DPP10: variants seen among roughly 807,000 people sequenced by gnomAD.
DPP10 encodes inactive dipeptidyl peptidase 10.
DPP10 carries 33 observed loss-of-function variants against 120.9 expected under a neutral mutation model. The ratio of observed to expected loss-of-function variants is 0.27; its 90% CI spans 0.21 to 0.37. DPP10 has a LOEUF of 0.37. Ranked by LOEUF, DPP10 falls within the 10% of genes least tolerant of loss-of-function variation. The pLI is 1.00. For synonymous variants in DPP10, 337 were observed against 326.1 expected, an observed-to-expected ratio of 1.03 and a Z score of -0.36; for missense variants, 816 against 942.8, an observed-to-expected ratio of 0.87 and a Z score of 1.76.
intron 5 of DPP10, among the ~76,000 whole-genome samples, chr2:115,651,419 A>C (rs2087759862): frequency 6.6e-6 from 1 of 152,072 alleles, no homozygotes; most frequent in South Asian, 2.1e-4. Flanking sequence ...CCGGCGCTGA[A>C]TTATCTTCTA....
At chr2:115,083,330 T>A (rs1708427304) in intron 1 of DPP10, among the ~76,000 whole-genome samples, 1 of 152,220 alleles carries the variant, frequency 6.6e-6, no homozygotes, top group South Asian at 2.1e-4. Context: ...GAATATATAA[T>A]CTGACAGTTA....
intron 1 of DPP10, among the ~76,000 whole-genome samples, chr2:114,752,360 T>C (rs1332005751): frequency 1.3e-5 from 2 of 152,186 alleles, no homozygotes; most frequent in Non-Finnish European, 2.9e-5. Flanking sequence ...CCCAACCTTT[T>C]AGACACTGAA....
At position 114,790,967 on chromosome 2, in the gene DPP10, G is replaced by A. The variant is rs1464430125; in HGVS notation, c.60+348129G>A. On this transcript the variant is annotated intron_variant, in intron 1 of 25. Transcript: ENST00000410059. ...TGGTGATTGAGATTTACAGGCAAAAGACAAAAGTGTGACTATAGAATATAA... is the reference window on the plus strand; with the variant it reads ...TGGTGATTGAGATTTACAGGCAAAAAACAAAAGTGTGACTATAGAATATAA... Among the ~76,000 whole-genome samples, 15 of 151,960 alleles carry A rather than the reference G, an allele frequency of 9.9e-5. 1 individual carries two copies. Among genetic ancestry groups the A allele is most frequent in the Admixed American group, 5.9e-4 (9 of 15,244 alleles).
At chr2:115,392,827 C>G (rs2067411922) in intron 3 of DPP10, among the ~76,000 whole-genome samples, 1 of 151,952 alleles carries the variant, frequency 6.6e-6, no homozygotes, top group African/African-American at 2.4e-5. Flanking sequence ...ATGGTGAAAA[C>G]ATTATTTTTT....
chr2:114,745,794 T>C (rs1183092053), intron 1 of DPP10, among the ~76,000 whole-genome samples: 1 of 152,186 alleles, frequency 6.6e-6, no homozygotes, highest in Non-Finnish European at 1.5e-5. Context: ...TCACAAGAAC[T>C]GGCAAAAGTT....
chr2:114,770,873 A>C (rs1681187821), intron 1 of DPP10, among the ~76,000 whole-genome samples: 1 of 150,106 alleles, frequency 6.7e-6, no homozygotes, highest in South Asian at 2.3e-4. Context: ...TTTTGAAATG[A>C]GTTTTATGTC....
intron 3 of DPP10, among the ~76,000 whole-genome samples, chr2:115,472,478 AT>A (rs199609270): frequency 2.2e-4 from 34 of 152,058 alleles, no homozygotes; most frequent in Non-Finnish European, 3.4e-4. Context: ...TAAAAATGAG[AT>A]TTTTTTTATT....
intron 10 of DPP10, among the ~76,000 whole-genome samples, chr2:115,751,410 G>A (rs1159753809): frequency 6.6e-6 from 1 of 152,142 alleles, no homozygotes; most frequent in African/African-American, 2.4e-5. Context: ...TAAGCCAGCT[G>A]CATATTTGAT....
chr2:115,223,866 C>G (rs2057302802), intron 1 of DPP10, among the ~76,000 whole-genome samples: 1 of 152,130 alleles, frequency 6.6e-6, no homozygotes, highest in South Asian at 2.1e-4. Context: ...TTTCCTTTCA[C>G]CAACACGTCT....
chr2:115,180,716 A>G (rs2054014344), intron 1 of DPP10, among the ~76,000 whole-genome samples: 1 of 152,224 alleles, frequency 6.6e-6, no homozygotes, highest in Non-Finnish European at 1.5e-5. Context: ...CTAGAAATGT[A>G]CATATGTATG....
At chr2:115,101,287 A>G (rs2048682207) in intron 1 of DPP10, among the ~76,000 whole-genome samples, 1 of 152,090 alleles carries the variant, frequency 6.6e-6, no homozygotes, top group African/African-American at 2.4e-5. Flanking sequence ...ACTCTCAGAA[A>G]TTCATGATGG....
At chr2:114,632,055 T>C (rs1694964850) in intron 1 of DPP10, among the ~76,000 whole-genome samples, 1 of 152,180 alleles carries the variant, frequency 6.6e-6, no homozygotes, top group Non-Finnish European at 1.5e-5. Context: ...CAATTAAATA[T>C]CTTCTTCTAT....
chr2:114,600,710 C>T (rs1181154235), intron 1 of DPP10, among the ~76,000 whole-genome samples: 1 of 151,738 alleles, frequency 6.6e-6, no homozygotes, highest in Non-Finnish European at 1.5e-5. Flanking sequence ...TATTTCTAGC[C>T]TAAGTTGGTG....
intron 1 of DPP10, among the ~76,000 whole-genome samples, chr2:114,978,101 A>G (rs1478711930): frequency 6.6e-6 from 1 of 152,158 alleles, no homozygotes; most frequent in Non-Finnish European, 1.5e-5. Flanking sequence ...AGTAATTAAA[A>G]GTAGCATGAT....
intron 3 of DPP10, among the ~76,000 whole-genome samples, chr2:115,482,927 C>T (rs2075527487): frequency 3.3e-5 from 5 of 151,866 alleles, no homozygotes; most frequent in Admixed American, 3.3e-4. Flanking sequence ...ATATGAATTC[C>T]AAAATGCTCA....
At chr2:114,460,539 G>A (rs1678843717) in intron 1 of DPP10, among the ~76,000 whole-genome samples, 3 of 152,010 alleles carry the variant, frequency 2.0e-5, no homozygotes, top group African/African-American at 7.2e-5. Context: ...ATTTAAACAG[G>A]ATGACACAAG....
chr2:114,753,919 A>G (rs1456185944), intron 1 of DPP10, among the ~76,000 whole-genome samples: 1 of 151,208 alleles, frequency 6.6e-6, no homozygotes, highest in African/African-American at 2.4e-5. Flanking sequence ...AAAAAAAAAA[A>G]AAAAAAAAAA....
At chr2:114,557,490 A>G (rs1299006160) in intron 1 of DPP10, among the ~76,000 whole-genome samples, 3 of 152,316 alleles carry the variant, frequency 2.0e-5, no homozygotes, top group South Asian at 2.1e-4. Flanking sequence ...AAAGCTGCAG[A>G]CTCAGAGTGG....
At chr2:115,596,591 A>G (rs144073070) in intron 5 of DPP10, among the ~76,000 whole-genome samples, 66 of 152,280 alleles carry the variant, frequency 4.3e-4, no homozygotes, top group African/African-American at 7.7e-4. Context: ...TCTCTAAGCA[A>G]TTATTAGCTA....
Sources: gnomAD v4.1 joint callset for allele counts (sites outside exome capture counted in the v4.1 genomes callset) on GRCh38, gnomAD v4.1.1 for gene constraint, MANE v1.5 for transcripts, NCBI Gene and HGNC (gene_info 2026-07-23, HGNC 2026-07-21) for gene names.